The following NBAS variants were observed in gnomAD, a reference collection of about 807,000 sequenced individuals.
NBAS encodes the protein NBAS subunit of NRZ tethering complex, also known as NAG/BC035112 fusion.
A neutral mutation model predicts 302.5 loss-of-function variants in NBAS; 219 were observed. The ratio of observed to expected loss-of-function variants is 0.72; its 90% CI spans 0.65 to 0.81. The LOEUF (loss-of-function observed/expected upper bound fraction) is 0.81. Among genes scored for constraint, NBAS ranks in the 30% least tolerant of loss-of-function variants. The pLI, the probability that NBAS is intolerant of heterozygous loss-of-function variation, is 0.00. For missense variants in NBAS, 2,932 were observed against 2,841.6 expected (o/e 1.03, Z -0.72); for synonymous variants, 1,118 against 1,021.6 (o/e 1.09, Z -1.80).
chr2:14,867,861 T>C, the NBAS span, among the ~76,000 whole-genome samples: 1 of 152,230 alleles, frequency 6.6e-6, no homozygotes, highest in African/African-American at 2.4e-5. Flanking sequence ...TTATTTTTCA[T>C]TGCTTACTAT....
At chr2:15,140,457 C>T in the NBAS span, among the ~76,000 whole-genome samples, 40 of 152,320 alleles carry the variant, frequency 2.6e-4, no homozygotes, top group East Asian at 2.3e-3. Flanking sequence ...CCTAGTGTTA[C>T]CACTTGGTGA....
chr2:15,186,826 C>A lies in NBAS; in HGVS notation c.6627G>T (p.Thr2209=), dbSNP rs145283550. 61 of 1,613,876 alleles carry A rather than the reference C, an allele frequency of 3.8e-5. No individual in the cohort carries two copies. The highest frequency in any genetic ancestry group is 1.6e-4 in the Middle Eastern group (1 of 6,062). Residue 2209 remains threonine (T), a synonymous_variant, in exon 50 of 52, where the codon ACG becomes ACT. Coordinates refer to ENST00000281513, the MANE Select transcript of NBAS (RefSeq NM_015909.4). ...RLATVMLTRC[T]MENKEGLGNE... ...TCCCCAATCCTTCCTTGTTCTCCAT[C>A]GTACATCTGGTTAGCATCACTGTAG... is the stretch of plus-strand genomic sequence containing the variant.
In NBAS at chr2:15,345,219, T is replaced by C. The variant is rs189496848; in HGVS notation, c.4179+6773A>G. Among the ~76,000 whole-genome samples the C allele has an allele frequency of 5.1e-3, 778 of 152,238 alleles. 3 individuals carry two copies. Among genetic ancestry groups the C allele is most frequent in the African/African-American group, 0.017 (691 of 41,532 alleles). On this transcript the variant is annotated intron_variant, in intron 35 of 51. Transcript: ENST00000281513. Reference sequence around the variant, plus strand: ...AATAGGAAGACAGGAAGTCAAATTGTCTCTGTTTGCAGACGACCTGATTTT... The same window carrying C: ...AATAGGAAGACAGGAAGTCAAATTGCCTCTGTTTGCAGACGACCTGATTTT...
intron 42 of NBAS, among the ~76,000 whole-genome samples, chr2:15,281,219 T>C (rs191135010): frequency 6.6e-6 from 1 of 152,334 alleles, no homozygotes; most frequent in African/African-American, 2.4e-5. Context: ...AAGGACAACC[T>C]GGTATCCCTA....
intron 30 of NBAS, among the ~76,000 whole-genome samples, chr2:15,375,476 T>C (rs184182202): frequency 1.3e-5 from 2 of 152,250 alleles, no homozygotes; most frequent in African/African-American, 2.4e-5. Flanking sequence ...GATGCAGGTA[T>C]CTAAGCCCCA....
intron 25 of NBAS, among the ~76,000 whole-genome samples, chr2:15,409,666 C>T (rs1558313056): frequency 6.6e-6 from 1 of 152,036 alleles, no homozygotes; most frequent in African/African-American, 2.4e-5. Flanking sequence ...TATCTCATGT[C>T]TTTATTTCTT....
intron 16 of NBAS, among the ~76,000 whole-genome samples, chr2:15,470,552 A>T (rs1459049607): frequency 6.6e-6 from 1 of 152,174 alleles, no homozygotes; most frequent in African/African-American, 2.4e-5. Flanking sequence ...GGCCTCATAA[A>T]TCATGCTCAG....
At chr2:15,124,888 CA>C in the NBAS span, among the ~76,000 whole-genome samples, 2 of 152,174 alleles carry the variant, frequency 1.3e-5, no homozygotes, top group African/African-American at 4.8e-5. Flanking sequence ...AAGCCTGATG[CA>C]GGGGTGGAGC....
Position 15,491,782 on chromosome 2 carries a change from A to G in NBAS, c.955-2760T>C, listed in dbSNP as rs375801971. Reference sequence around the variant, plus strand: ...AAAAGAAAAATACACAGGTTTACCCATTTCTTCGAATCTTCATTTCCTTAT... The same window carrying G: ...AAAAGAAAAATACACAGGTTTACCCGTTTCTTCGAATCTTCATTTCCTTAT... On this transcript the variant is annotated intron_variant, in intron 11 of 51. Transcript: ENST00000281513. Among the ~76,000 whole-genome samples, 65 of 152,204 alleles carry G rather than the reference A, an allele frequency of 4.3e-4. No individual in the cohort carries two copies. In the South Asian group the frequency reaches 0.013, roughly 31 times the overall value.
At chr2:15,157,395 G>C in the NBAS span, among the ~76,000 whole-genome samples, 1 of 152,276 alleles carries the variant, frequency 6.6e-6, no homozygotes. Context: ...ACCCTCCAGA[G>C]CAGAAGAATT....
At chr2:15,487,859 A>G (rs1680697829) in intron 12 of NBAS, among the ~76,000 whole-genome samples, 1 of 152,250 alleles carries the variant, frequency 6.6e-6, no homozygotes, top group Admixed American at 6.5e-5. Flanking sequence ...AGGGAGAAAG[A>G]GTGGTAAACA....
At chr2:15,461,128 TAAG>T in intron 21 of NBAS, 70 bp downstream of exon 21, 1 of 1,331,078 alleles carries the variant, frequency 7.5e-7, no homozygotes, top group Non-Finnish European at 1.1e-6. Flanking sequence ...TTTTTAACTT[TAAG>T]GTGTTCAGCA....
At chr2:15,003,642 G>A in the NBAS span, among the ~76,000 whole-genome samples, 5 of 152,266 alleles carry the variant, frequency 3.3e-5, no homozygotes, top group Non-Finnish European at 7.4e-5. Flanking sequence ...GTGAGGGGAC[G>A]AAGGGTCTCA....
chr2:14,783,890 C>G, the NBAS span, among the ~76,000 whole-genome samples: 1 of 142,046 alleles, frequency 7.0e-6, no homozygotes. Flanking sequence ...CCTGAGGAAT[C>G]GCCACACTGA....
At chr2:15,369,488 A>T (rs1465731373) in intron 31 of NBAS, among the ~76,000 whole-genome samples, 7 of 152,138 alleles carry the variant, frequency 4.6e-5, no homozygotes. Context: ...GACTGCAATT[A>T]CCCTGTTCAA....
the NBAS span, among the ~76,000 whole-genome samples, chr2:15,083,461 C>T: frequency 6.6e-6 from 1 of 152,224 alleles, no homozygotes; most frequent in Non-Finnish European, 1.5e-5. Context: ...TAGTCTATTC[C>T]ACATGGAATA....
chr2:15,553,332 T>A (rs1664471381), intron 5 of NBAS, 94 bp downstream of exon 5: 1 of 1,141,926 alleles, frequency 8.8e-7, no homozygotes. Flanking sequence ...AAAATCCTTT[T>A]AAATATATCC....
At chr2:14,855,633 G>T in the NBAS span, among the ~76,000 whole-genome samples, 2 of 152,212 alleles carry the variant, frequency 1.3e-5, no homozygotes, top group Non-Finnish European at 1.5e-5. Flanking sequence ...TAGTCTAGCT[G>T]TACTCCTCAT....
rs771668234 is a variant in NBAS at position 15,561,311 on chromosome 2, C to G, written c.-7G>C. 8.1e-6 allele frequency: 13 copies of G among 1,611,634 alleles called. No homozygotes were observed. The South Asian group carries it at 1.1e-4, about 14-fold the overall frequency. ...CTGACTCGGGGGCCGCCATGTTCGC[C>G]GAGGACTCAGGCAGCGGAGGAGTGT... On this transcript the variant is annotated 5_prime_UTR_variant, in exon 1 of 52. Transcript: ENST00000281513.
Sources: gnomAD v4.1 joint callset for allele counts (sites outside exome capture counted in the v4.1 genomes callset) on GRCh38, gnomAD v4.1.1 for gene constraint, MANE v1.5 for transcripts, NCBI Gene and HGNC (gene_info 2026-07-23, HGNC 2026-07-21) for gene names.